The following KCNS3 variants were observed in gnomAD, a reference collection of about 807,000 sequenced individuals.
The protein encoded by KCNS3 is potassium voltage-gated channel modifier subfamily S member 3, also known as delayed-rectifier potassium channel regulatory subunit KCNS3.
A neutral mutation model predicts 31.0 loss-of-function variants in KCNS3; 13 were observed. That is an observed-to-expected ratio of 0.42 (90% CI 0.27 to 0.67). The LOEUF (loss-of-function observed/expected upper bound fraction) is 0.67, where lower values mean the gene tolerates loss of function less well. KCNS3 is among the 30% of genes least tolerant of loss of function. The probability of loss-of-function intolerance (pLI) is 0.25; values close to 1 mark genes in which losing one functional copy is unlikely to be tolerated. For missense variants in KCNS3, 545 were observed against 622.4 expected (o/e 0.88, Z 1.32); for synonymous variants, 238 against 241.5 (o/e 0.99, Z 0.13).
chr2:17,890,039 T>C (rs1240761541), intron 1 of KCNS3, among the ~76,000 whole-genome samples: 1 of 152,248 alleles, frequency 6.6e-6, no homozygotes, highest in East Asian at 1.9e-4. Context: ...AATTCTGCTG[T>C]GAATCCATCT....
intron 2 of KCNS3, among the ~76,000 whole-genome samples, chr2:17,924,466 A>G (rs1467271904): frequency 1.3e-5 from 2 of 152,036 alleles, no homozygotes; most frequent in Admixed American, 6.6e-5. Flanking sequence ...GTCTTTTTTC[A>G]TTAAATATGT....
chr2:17,918,159 C>T (rs576171553), intron 2 of KCNS3, among the ~76,000 whole-genome samples: 1 of 152,318 alleles, frequency 6.6e-6, no homozygotes, highest in South Asian at 2.1e-4. Context: ...GAGAATGACA[C>T]TACTGTTATT....
chr2:17,902,194 G>A (rs1662192016), intron 1 of KCNS3, among the ~76,000 whole-genome samples: 1 of 152,162 alleles, frequency 6.6e-6, no homozygotes. Flanking sequence ...TGTCCTTTCG[G>A]TTTGGTCACC....
In KCNS3 at chr2:17,883,899, G is replaced by A. The variant is rs562591188; in HGVS notation, c.-252+5093G>A. On this transcript the variant is annotated intron_variant, in intron 1 of 2. Coordinates refer to ENST00000304101, the MANE Select transcript of KCNS3 (RefSeq NM_002252.5). ...AGACTGGATTAAGAAAATGTGGCAC[G>A]TATACACCGTGGAATACTATGCAGC... Among the ~76,000 whole-genome samples, 22 of 152,074 alleles carry A rather than the reference G, an allele frequency of 1.4e-4. No homozygotes were observed. In the East Asian group the frequency reaches 1.9e-3, roughly 13 times the overall value.
At chr2:17,887,500 T>TATCC (rs1030229285) in intron 1 of KCNS3, among the ~76,000 whole-genome samples, 1 of 151,736 alleles carries the variant, frequency 6.6e-6, no homozygotes, top group Admixed American at 6.6e-5. Flanking sequence ...TCTATCTATC[T>TATCC]ATCTATCTAT....
At chr2:17,929,040 GCTTT>G (rs1662897507) in intron 2 of KCNS3, among the ~76,000 whole-genome samples, 1 of 152,192 alleles carries the variant, frequency 6.6e-6, no homozygotes, top group Non-Finnish European at 1.5e-5. Flanking sequence ...GTCATTGGCG[GCTTT>G]CTAAGTCACA....
Position 17,908,832 on chromosome 2 carries a change from G to A in KCNS3, c.-251-8848G>A, listed in dbSNP as rs368014572. 7.2e-5 allele frequency among the ~76,000 whole-genome samples: 11 copies of A among 152,364 alleles called. No individual in the cohort carries two copies. The East Asian group carries it at 2.1e-3, about 29-fold the overall frequency. On this transcript the variant is annotated intron_variant, in intron 1 of 2. Coordinates refer to ENST00000304101, the MANE Select transcript of KCNS3 (RefSeq NM_002252.5). ...TCGTTCCTCTGGAAGCTTTGTCTCAGAGGGGTACCCGGCCGTGTGAAGTGT... is the reference window on the plus strand; with the variant it reads ...TCGTTCCTCTGGAAGCTTTGTCTCAAAGGGGTACCCGGCCGTGTGAAGTGT...
intron 2 of KCNS3, among the ~76,000 whole-genome samples, chr2:17,928,721 C>T (rs1662890684): frequency 6.6e-6 from 1 of 151,740 alleles, no homozygotes; most frequent in Admixed American, 6.6e-5. Context: ...CCTTGCCTTT[C>T]CATAAACATA....
intron 1 of KCNS3, among the ~76,000 whole-genome samples, chr2:17,906,703 C>G (rs1159696438): frequency 1.3e-5 from 2 of 152,166 alleles, no homozygotes; most frequent in Non-Finnish European, 2.9e-5. Context: ...TTTCTGCCTT[C>G]ATTTCATTAT....
chr2:17,931,696 A>C lies in KCNS3; in HGVS notation c.688A>C (p.Ile230Leu). ...PVLEGVEIACIAWFTGELAVR... is the reference protein window; with the variant it reads ...PVLEGVEIACLAWFTGELAVR... ...GCTGGAAGGAGTGGAGATCGCGTGC[A>C]TTGCCTGGTTCACCGGGGAGCTTGC... Residue 230 changes from isoleucine (I) to leucine (L), a missense_variant, in exon 3 of 3, where the codon ATT becomes CTT. Transcript: ENST00000304101. The surrounding 1 kb of genome is among the most constrained non-coding windows in gnomAD (Gnocchi z 5.4). 1 of 1,613,244 alleles carries C rather than the reference A, an allele frequency of 6.2e-7. No individual in the cohort carries two copies. Among genetic ancestry groups the C allele is most frequent in the South Asian group, 1.1e-5 (1 of 90,992 alleles).
intron 2 of KCNS3, among the ~76,000 whole-genome samples, chr2:17,924,878 T>C (rs1662799853): frequency 6.6e-6 from 1 of 152,216 alleles, no homozygotes; most frequent in Non-Finnish European, 1.5e-5. Context: ...CTGGGAAGTA[T>C]GCCTTTCTCT....
At chr2:17,926,385 G>A (rs1417146820) in intron 2 of KCNS3, among the ~76,000 whole-genome samples, 2 of 152,230 alleles carry the variant, frequency 1.3e-5, no homozygotes, top group Non-Finnish European at 2.9e-5. Context: ...CCACTTGGCA[G>A]TGCCCCAATG....
intron 2 of KCNS3, 45 bp from the exon 3 acceptor site, chr2:17,930,905 G>A: frequency 7.5e-7 from 1 of 1,340,844 alleles, no homozygotes; most frequent in Non-Finnish European, 1.0e-6. Flanking sequence ...AGCTTGGCTG[G>A]GCACGGCAGG....
At chr2:17,911,920 G>T (rs1401835136) in intron 1 of KCNS3, among the ~76,000 whole-genome samples, 1 of 152,174 alleles carries the variant, frequency 6.6e-6, no homozygotes, top group Admixed American at 6.5e-5. Flanking sequence ...TCTGAGTGCT[G>T]CAAGGATTAA....
chr2:17,912,342 G>C (rs927209699), intron 1 of KCNS3, among the ~76,000 whole-genome samples: 1 of 152,212 alleles, frequency 6.6e-6, no homozygotes. Flanking sequence ...GCCTGTGTTA[G>C]TGCAGTTGTT....
At chr2:17,904,756 G>T (rs546342768) in intron 1 of KCNS3, among the ~76,000 whole-genome samples, 1 of 152,344 alleles carries the variant, frequency 6.6e-6, no homozygotes, top group East Asian at 1.9e-4. Flanking sequence ...GTTTGTCAAA[G>T]ATCAGATGGT....
chr2:17,922,800 A>G (rs1259770584), intron 2 of KCNS3, among the ~76,000 whole-genome samples: 2 of 152,100 alleles, frequency 1.3e-5, no homozygotes, highest in African/African-American at 4.8e-5. Context: ...TTTCATTAGC[A>G]TAAGTTTTCA....
intron 1 of KCNS3, among the ~76,000 whole-genome samples, chr2:17,905,702 G>A (rs1662297684): frequency 6.6e-6 from 1 of 152,176 alleles, no homozygotes; most frequent in Non-Finnish European, 1.5e-5. Context: ...GGCCTTTTCT[G>A]CATCTATTGA....
intron 1 of KCNS3, among the ~76,000 whole-genome samples, chr2:17,888,525 T>C (rs926691627): frequency 1.3e-5 from 2 of 150,372 alleles, no homozygotes; most frequent in African/African-American, 4.9e-5. Flanking sequence ...ATGTAAATGA[T>C]GAGTTAATGG....
Sources: allele counts gnomAD v4.1 joint callset (sites outside exome capture counted in the v4.1 genomes callset), GRCh38; gene constraint gnomAD v4.1.1; non-coding constraint Gnocchi (gnomAD v3.1); transcripts MANE v1.5; gene names NCBI Gene and HGNC (gene_info 2026-07-23, HGNC 2026-07-21).